The following RIN3 variants were observed in gnomAD, a reference collection of about 807,000 sequenced individuals.
The protein encoded by RIN3 is RAB5 interacting protein 3.
Under a neutral mutation model 76.3 loss-of-function variants are expected in RIN3, and 54 were observed. The ratio of observed to expected loss-of-function variants is 0.71; its 90% CI spans 0.57 to 0.89. The LOEUF is 0.89. RIN3 is among the 40% of genes least tolerant of loss of function. The pLI is 0.00. For missense variants in RIN3, 1,256 were observed against 1,322.1 expected, an observed-to-expected ratio of 0.95 and a Z score of 0.78; for synonymous variants, 576 against 564.0, an observed-to-expected ratio of 1.02 and a Z score of -0.30.
chr14:92,549,019 C>T (rs10131276), intron 1 of RIN3, among the ~76,000 whole-genome samples: 43,233 of 151,808 alleles, frequency 0.28, 6,694 homozygotes, highest in Middle Eastern at 0.4. Flanking sequence ...CTCCCTCCCA[C>T]GCCGGCCCCT....
chr14:92,513,827 C>T lies in RIN3; in HGVS notation c.-106C>T, dbSNP rs1183544762. On this transcript the variant is annotated 5_prime_UTR_variant, in exon 1 of 10. Coordinates refer to ENST00000216487, the MANE Select transcript of RIN3 (RefSeq NM_024832.5). Reference sequence around the variant, plus strand: ...AGCGCGGCGGCAGCGGCGGCCTGGCCCTTCCAGAGGGCCAGAGCCAGGGAC... The same window carrying T: ...AGCGCGGCGGCAGCGGCGGCCTGGCTCTTCCAGAGGGCCAGAGCCAGGGAC... 1.3e-6 allele frequency: 1 copy of T among 740,834 alleles called. No homozygotes were observed. The highest frequency in any genetic ancestry group is 1.8e-5 in the African/African-American group (1 of 54,640). 45.9% of individuals were successfully genotyped at this position (740,834 alleles called of 1,614,324 possible).
At chr14:92,528,454 G>A (rs190155138) in intron 1 of RIN3, among the ~76,000 whole-genome samples, 5 of 152,328 alleles carry the variant, frequency 3.3e-5, no homozygotes, top group Admixed American at 2.0e-4. Flanking sequence ...ATGAGTGGAC[G>A]TATGTAAGGA....
chr14:92,607,996 T>A (rs1264288258), intron 3 of RIN3, among the ~76,000 whole-genome samples: 1 of 152,202 alleles, frequency 6.6e-6, no homozygotes, highest in Non-Finnish European at 1.5e-5. Flanking sequence ...AACAGATTAG[T>A]TGTCAGGGCT....
At chr14:92,665,518 ACAGGTGCCCAC>A (rs1888059211) in intron 7 of RIN3, among the ~76,000 whole-genome samples, 1 of 151,542 alleles carries the variant, frequency 6.6e-6, no homozygotes, top group African/African-American at 2.4e-5. Flanking sequence ...AGCTGGGACT[ACAGGTGCCCAC>A]CACCATGCCC....
chr14:92,658,901 G>T (rs759404865), intron 6 of RIN3, among the ~76,000 whole-genome samples: 1 of 152,200 alleles, frequency 6.6e-6, no homozygotes, highest in African/African-American at 2.4e-5. Context: ...TCTCTGCCAG[G>T]CCCTGTGAAA....
chr14:92,673,660 C>G (rs1888364041), intron 7 of RIN3, among the ~76,000 whole-genome samples: 1 of 152,178 alleles, frequency 6.6e-6, no homozygotes, highest in African/African-American at 2.4e-5. Flanking sequence ...CTTACGCCAC[C>G]ACTCCTGGCT....
intron 3 of RIN3, among the ~76,000 whole-genome samples, chr14:92,581,049 A>G (rs1367711919): frequency 6.6e-6 from 1 of 152,206 alleles, no homozygotes; most frequent in Non-Finnish European, 1.5e-5. Context: ...GAGGTTCTCA[A>G]AGAAGGAAGA....
intron 8 of RIN3, among the ~76,000 whole-genome samples, chr14:92,677,969 A>C (rs1595506045): frequency 7.0e-6 from 1 of 142,984 alleles, no homozygotes; most frequent in East Asian, 2.1e-4. Context: ...CCACGTATTC[A>C]CCCACCCACC....
In RIN3 at chr14:92,606,031, T is replaced by G. The variant is rs183508755; in HGVS notation, c.368-9376T>G. 9.2e-5 allele frequency among the ~76,000 whole-genome samples: 14 copies of G among 151,740 alleles called. No individual in the cohort carries two copies. In the East Asian group the frequency reaches 2.7e-3, roughly 29 times the overall value. The stretch of plus-strand genomic sequence containing the variant: ...AAGAGGATGAAAAGACAAGGTCAGA[T>G]GCAGTGGCATGCACCTGTAATATAA... On this transcript the variant is annotated intron_variant, in intron 3 of 9. Coordinates refer to ENST00000216487, the MANE Select transcript of RIN3 (RefSeq NM_024832.5).
At position 92,685,572 on chromosome 14, in the gene RIN3, C is replaced by T. The variant is rs891275186; in HGVS notation, c.2631+422C>T. 2 of 170,442 alleles carry T rather than the reference C, an allele frequency of 1.2e-5. No homozygotes were observed. The highest frequency in any genetic ancestry group is 3.2e-4 in the East Asian group (2 of 6,312). 10.6% of individuals were successfully genotyped at this position (170,442 alleles called of 1,614,324 possible). ...AAATGCAGCAGCTGCCAAGGGTCTG[C>T]GTAACCCCCACCAACCCAGTGGCCC... On this transcript the variant is annotated intron_variant, in intron 9 of 9. Coordinates refer to ENST00000216487, the MANE Select transcript of RIN3 (RefSeq NM_024832.5). The surrounding 1 kb of genome is among the most constrained non-coding windows in gnomAD (Gnocchi z 4.7).
chr14:92,687,317 G>GCCCAGC (rs984076756), intron 9 of RIN3: 5 of 152,340 alleles, frequency 3.3e-5, no homozygotes, highest in African/African-American at 1.2e-4. Flanking sequence ...TGCTGCGAGT[G>GCCCAGC]CCCAGCCCCA....
chr14:92,603,637 G>T (rs967963065), intron 3 of RIN3, among the ~76,000 whole-genome samples: 3 of 152,242 alleles, frequency 2.0e-5, no homozygotes, highest in Non-Finnish European at 4.4e-5. Context: ...CCTGTGCCGT[G>T]TTGCGGTCCT....
intron 3 of RIN3, among the ~76,000 whole-genome samples, chr14:92,581,947 C>T (rs1884556001): frequency 1.3e-5 from 2 of 152,142 alleles, no homozygotes; most frequent in Non-Finnish European, 2.9e-5. Flanking sequence ...ACTGACCCAA[C>T]AGGATTCTTG....
chr14:92,653,093 A>T lies in RIN3; in HGVS notation c.2026+18A>T. The stretch of plus-strand genomic sequence containing the variant: ...GGAGCTCGGTCAGTGCCCTGGGAGG[A>T]GGTGGCAGGGAGGAGAGGGCGGTGG... On this transcript the variant is annotated intron_variant, in intron 6 of 9. Coordinates refer to ENST00000216487, the MANE Select transcript of RIN3 (RefSeq NM_024832.5). 1.3e-6 allele frequency: 2 copies of T among 1,587,968 alleles called. No homozygotes were observed. The highest frequency in any genetic ancestry group is 1.7e-6 in the Non-Finnish European group (2 of 1,172,690).
At chr14:92,544,090 T>C (rs945556914) in intron 1 of RIN3, among the ~76,000 whole-genome samples, 13 of 152,110 alleles carry the variant, frequency 8.5e-5, no homozygotes, top group African/African-American at 2.9e-4. Flanking sequence ...AGTTACACTG[T>C]CCCATTCAAC....
intron 1 of RIN3, among the ~76,000 whole-genome samples, chr14:92,519,459 G>A (rs1896533806): frequency 6.6e-6 from 1 of 152,168 alleles, no homozygotes; most frequent in Admixed American, 6.5e-5. Context: ...AGGGTGGCTG[G>A]GCTGGTAAGG....
Position 92,513,964 on chromosome 14 carries a change from G to T in RIN3, c.32G>T (p.Gly11Val). The T allele has an allele frequency of 1.2e-5, 15 of 1,243,740 alleles. No homozygotes were observed. The highest frequency in any genetic ancestry group is 1.5e-5 in the Non-Finnish European group (15 of 994,046). 77.0% of individuals were successfully genotyped at this position (1,243,740 alleles called of 1,614,324 possible). A position where few individuals can be genotyped will look rare whatever the true frequency, so the allele number is the denominator to read the frequency against. Residue 11 changes from glycine to valine, a missense_variant, in exon 1 of 10, where the codon GGG (glycine) becomes GTG (valine). Physicochemically the swap from Gly to Val is moderately radical, Grantham distance 109 (BLOSUM62 -3). Coordinates refer to ENST00000216487, the MANE Select transcript of RIN3 (RefSeq NM_024832.5). MIRHAGAPAR[G>V]DPTGPVPVVG... ...CGACACGCCGGGGCGCCCGCGCGCG[G>T]GGACCCCACGGGGTAAGTCCGGGCG...
At chr14:92,527,274 G>C (rs1005275549) in intron 1 of RIN3, among the ~76,000 whole-genome samples, 3 of 135,426 alleles carry the variant, frequency 2.2e-5, no homozygotes, top group Non-Finnish European at 4.4e-5. Context: ...CAATGGTCTC[G>C]ATCTCCTGAC....
At chr14:92,553,096 G>C (rs958473976) in intron 1 of RIN3, among the ~76,000 whole-genome samples, 2 of 151,298 alleles carry the variant, frequency 1.3e-5, no homozygotes, top group South Asian at 4.2e-4. Context: ...AAATGGAGAA[G>C]CTTCCTTCTC....
Sources: allele counts gnomAD v4.1 joint callset (sites outside exome capture counted in the v4.1 genomes callset), GRCh38; gene constraint gnomAD v4.1.1; non-coding constraint Gnocchi (gnomAD v3.1); transcripts MANE v1.5; gene names NCBI Gene and HGNC (gene_info 2026-07-23, HGNC 2026-07-21).